The following TCL1A variants were observed in gnomAD, a reference collection of about 807,000 sequenced individuals.
TCL1A encodes T-cell leukemia/lymphoma protein 1A.
In TCL1A, 9 loss-of-function variants were observed where a neutral mutation model predicts 16.9. The ratio of observed to expected loss-of-function variants is 0.53; its 90% CI spans 0.32 to 0.93. TCL1A has a LOEUF of 0.93. TCL1A is among the 40% of genes least tolerant of loss of function. The pLI is 0.04. For missense variants in TCL1A, 139 were observed against 153.0 expected, an observed-to-expected ratio of 0.91 and a Z score of 0.48; for synonymous variants, 69 against 63.2, an observed-to-expected ratio of 1.09 and a Z score of -0.44.
chr14:95,713,894 G>T (rs572379561), intron 1 of TCL1A, 53 bp downstream of exon 1: 1 of 1,603,448 alleles, frequency 6.2e-7, no homozygotes, highest in African/African-American at 1.3e-5. Flanking sequence ...GGCATCCCAA[G>T]CTCCCAGGGG....
At chr14:95,712,038 T>C (rs1886370099) in intron 2 of TCL1A, 182 bp downstream of exon 2, 1 of 902,352 alleles carries the variant, frequency 1.1e-6, no homozygotes, top group African/African-American at 1.7e-5. Context: ...AGGGTTCTGT[T>C]AGAGACCTCA....
chr14:95,713,562 G>A (rs187560020), intron 1 of TCL1A, among the ~76,000 whole-genome samples: 21 of 152,186 alleles, frequency 1.4e-4, no homozygotes, highest in Middle Eastern at 3.4e-3. Context: ...ACTGTTGAGG[G>A]TTCTTTTTAA....
rs1462565723 is a variant in TCL1A at position 95,711,746 on chromosome 14, C to T, written c.*6+3G>A. Reference sequence around the variant, plus strand: ...AGAGGGGTCAGGCTCCAGTGGAGCTCACCATACATCAGTCATCTGGCAGCA... The same window carrying T: ...AGAGGGGTCAGGCTCCAGTGGAGCTTACCATACATCAGTCATCTGGCAGCA... On this transcript the variant is annotated splice_donor_region_variant and intron_variant, in intron 3 of 3. Coordinates refer to ENST00000402399, the MANE Select transcript of TCL1A (RefSeq NM_021966.3). 1 of 1,613,026 alleles carries T rather than the reference C, an allele frequency of 6.2e-7. No individual in the cohort carries two copies. The highest frequency in any genetic ancestry group is 8.5e-7 in the Non-Finnish European group (1 of 1,179,886).
intron 3 of TCL1A, 58 bp downstream of exon 3, chr14:95,711,691 C>A: frequency 6.3e-7 from 1 of 1,591,044 alleles, no homozygotes; most frequent in South Asian, 1.1e-5. Context: ...AAGGGGTGGT[C>A]TTTCTTTCTG....
At chr14:95,713,862 C>T (rs556795890) in intron 1 of TCL1A, 85 bp downstream of exon 1, 3 of 1,576,148 alleles carry the variant, frequency 1.9e-6, no homozygotes, top group Admixed American at 1.7e-5. Context: ...GTGAGTGCTC[C>T]TTGAGTCCTC....
rs977457491 is a variant in TCL1A at position 95,710,047 on chromosome 14, C to T, written c.*841G>A. 9 of 152,162 alleles carry T rather than the reference C, an allele frequency of 5.9e-5. No homozygotes were observed. Among genetic ancestry groups the T allele is most frequent in the African/African-American group, 9.7e-5 (4 of 41,424 alleles). The allele number at this position is 152,162 out of a possible 1,614,324, so 9.4% of individuals were successfully genotyped here. A position where few individuals can be genotyped will look rare whatever the true frequency, so the allele number is the denominator to read the frequency against. On this transcript the variant is annotated 3_prime_UTR_variant, in exon 4 of 4. Coordinates refer to ENST00000402399, the MANE Select transcript of TCL1A (RefSeq NM_021966.3). ...CTAAGTCAAGGATAGAAGCTGATTCCGCACGAAGTTAGATAAACTATCTTG... is the reference window on the plus strand; with the variant it reads ...CTAAGTCAAGGATAGAAGCTGATTCTGCACGAAGTTAGATAAACTATCTTG...
At chr14:95,711,841 G>C (rs960524196) in intron 2 of TCL1A, 39 bp from the exon 3 acceptor site, 2 of 1,600,596 alleles carry the variant, frequency 1.2e-6, no homozygotes, top group African/African-American at 1.3e-5. Context: ...TGATCGGCCA[G>C]AGCCCTCCAC....
At chr14:95,712,096 T>C in intron 2 of TCL1A, 124 bp downstream of exon 2, 1 of 1,251,930 alleles carries the variant, frequency 8.0e-7, no homozygotes, top group Non-Finnish European at 1.1e-6. Flanking sequence ...TCTGCACTTG[T>C]ACATTTCCCC....
At chr14:95,713,148 T>C (rs1886416006) in intron 1 of TCL1A, among the ~76,000 whole-genome samples, 3 of 152,364 alleles carry the variant, frequency 2.0e-5, no homozygotes, top group African/African-American at 2.4e-5. Context: ...CTAGCAATCT[T>C]ACCTCGGACA....
chr14:95,711,934 G>T, intron 2 of TCL1A, 132 bp from the exon 3 acceptor site: 2 of 1,172,990 alleles, frequency 1.7e-6, no homozygotes, highest in East Asian at 2.5e-5. Context: ...AGGGGCTCTT[G>T]GAGACTGCCC....
intron 2 of TCL1A, 150 bp from the exon 3 acceptor site, chr14:95,711,952 C>T: frequency 9.7e-7 from 1 of 1,035,964 alleles, no homozygotes; most frequent in East Asian, 2.6e-5. Flanking sequence ...CCCCTCCTCC[C>T]ACCAGCCTTC....
At chr14:95,712,091 A>T in intron 2 of TCL1A, 129 bp downstream of exon 2, 1 of 1,199,862 alleles carries the variant, frequency 8.3e-7, no homozygotes, top group Non-Finnish European at 1.2e-6. Flanking sequence ...AGAAATCTGC[A>T]CTTGTACATT....
At chr14:95,712,480 G>C in intron 1 of TCL1A, 84 bp from the exon 2 acceptor site, 1 of 1,529,250 alleles carries the variant, frequency 6.5e-7, no homozygotes, top group East Asian at 2.3e-5. Flanking sequence ...AATCCCTCCT[G>C]CCAGCCATCC....
intron 1 of TCL1A, among the ~76,000 whole-genome samples, 157 bp downstream of exon 1, chr14:95,713,790 T>A (rs151040037): frequency 6.6e-6 from 1 of 152,320 alleles, no homozygotes; most frequent in East Asian, 1.9e-4. Context: ...GGAGAACTCC[T>A]ATTCATCCTC....
At chr14:95,713,299 G>C (rs1399162241) in intron 1 of TCL1A, among the ~76,000 whole-genome samples, 1 of 152,094 alleles carries the variant, frequency 6.6e-6, no homozygotes, top group African/African-American at 2.4e-5. Context: ...GAGAGAGTTT[G>C]AACATTTTTT....
intron 1 of TCL1A, among the ~76,000 whole-genome samples, 195 bp downstream of exon 1, chr14:95,713,752 G>C (rs574855224): frequency 6.6e-6 from 1 of 152,288 alleles, no homozygotes; most frequent in Admixed American, 6.5e-5. Context: ...ACATTCCTTT[G>C]CGGTTTTCCC....
intron 1 of TCL1A, 23 bp downstream of exon 1, chr14:95,713,924 A>T (rs749370204): frequency 1.2e-6 from 2 of 1,612,116 alleles, no homozygotes; most frequent in East Asian, 2.2e-5. Flanking sequence ...CTGCCTCGCC[A>T]TCCGCTCCAA....
chr14:95,711,046 T>G (rs895169313), intron 3 of TCL1A, among the ~76,000 whole-genome samples, 165 bp from the exon 4 acceptor site: 2 of 152,218 alleles, frequency 1.3e-5, no homozygotes, highest in African/African-American at 2.4e-5. Flanking sequence ...GTCTGTAATC[T>G]GAAGATGTCA....
chr14:95,714,102 G>A lies in TCL1A; in HGVS notation c.-36C>T, dbSNP rs377598728. On this transcript the variant is annotated 5_prime_UTR_variant, in exon 1 of 4. Transcript: ENST00000402399. The stretch of plus-strand genomic sequence containing the variant: ...GGCCGCCTAAGAAGCAAGAGCCAGA[G>A]CCTCTCAAGGCCGCTCGCTGGTCCC... 16 of 1,607,960 alleles carry A rather than the reference G, an allele frequency of 1.0e-5. No individual in the cohort carries two copies. The African/African-American group carries it at 2.0e-4, about 20-fold the overall frequency.
Sources: allele counts gnomAD v4.1 joint callset (sites outside exome capture counted in the v4.1 genomes callset), GRCh38; gene constraint gnomAD v4.1.1; transcripts MANE v1.5; gene names NCBI Gene and HGNC (gene_info 2026-07-23, HGNC 2026-07-21).